Variants in KIF16B observed in about 807,000 individuals in gnomAD.
KIF16B encodes kinesin-like protein KIF16B.
In KIF16B, 98 loss-of-function variants were observed where a neutral mutation model predicts 156.3. The observed-to-expected ratio is 0.63, with a 90% confidence interval of 0.53 to 0.74. The LOEUF is 0.74. Ranked by LOEUF, KIF16B falls within the 30% of genes least tolerant of loss-of-function variation. The pLI is 0.00. For synonymous variants in KIF16B, 564 were observed against 583.7 expected (o/e 0.97, Z 0.49); for missense variants, 1,421 against 1,606.5 (o/e 0.88, Z 1.97).
At chr20:16,275,710 T>C (rs528676120) in intron 25 of KIF16B, among the ~76,000 whole-genome samples, 1 of 152,336 alleles carries the variant, frequency 6.6e-6, no homozygotes, top group African/African-American at 2.4e-5. Flanking sequence ...TAAGAAGTTA[T>C]GAAAATCAAC....
chr20:16,319,021 T>C (rs1428224516), intron 24 of KIF16B, among the ~76,000 whole-genome samples: 1 of 152,184 alleles, frequency 6.6e-6, no homozygotes, highest in African/African-American at 2.4e-5. Flanking sequence ...ATGGCATTTT[T>C]ACCTCTGCGG....
chr20:16,400,759 A>G (rs1227085555), intron 17 of KIF16B, among the ~76,000 whole-genome samples: 2 of 152,250 alleles, frequency 1.3e-5, no homozygotes. Context: ...GAAATAAGCC[A>G]GTGAGAAGAG....
intron 3 of KIF16B, among the ~76,000 whole-genome samples, chr20:16,516,839 G>A (rs982223050): frequency 6.6e-6 from 1 of 152,190 alleles, no homozygotes; most frequent in Non-Finnish European, 1.5e-5. Context: ...ATGAATCTAA[G>A]GGGGTGTGAA....
At chr20:16,346,804 G>A (rs1007551517) in intron 23 of KIF16B, among the ~76,000 whole-genome samples, 1 of 152,222 alleles carries the variant, frequency 6.6e-6, no homozygotes, top group Non-Finnish European at 1.5e-5. Flanking sequence ...CAACACCTCT[G>A]TGAAGCAGGT....
At chr20:16,539,737 T>C (rs1452356134) in intron 1 of KIF16B, among the ~76,000 whole-genome samples, 4 of 152,250 alleles carry the variant, frequency 2.6e-5, no homozygotes, top group Admixed American at 2.6e-4. Flanking sequence ...GGTATTTCTT[T>C]ATTGCAATGG....
At chr20:16,331,401 AC>A (rs2063945851) in intron 24 of KIF16B, among the ~76,000 whole-genome samples, 1 of 152,174 alleles carries the variant, frequency 6.6e-6, no homozygotes, top group African/African-American at 2.4e-5. Flanking sequence ...GTTCCAAAAG[AC>A]TATAGGCTAA....
At chr20:16,525,400 C>A (rs577645154) in intron 3 of KIF16B, among the ~76,000 whole-genome samples, 206 of 152,216 alleles carry the variant, frequency 1.4e-3, no homozygotes, top group Middle Eastern at 3.4e-3. Flanking sequence ...CCATTTCTAA[C>A]CTCACTCTGC....
At chr20:16,457,117 T>C (rs1423141367) in intron 12 of KIF16B, among the ~76,000 whole-genome samples, 1 of 105,120 alleles carries the variant, frequency 9.5e-6, no homozygotes, top group East Asian at 2.2e-4. Context: ...TCTTGCTTTA[T>C]TTTGATAAAC....
chr20:16,298,346 T>C (rs570058796), intron 25 of KIF16B, among the ~76,000 whole-genome samples: 13 of 152,302 alleles, frequency 8.5e-5, no homozygotes, highest in African/African-American at 1.9e-4. Flanking sequence ...TCCATTAGAA[T>C]TGTGAGCTCC....
chr20:16,569,577 C>T (rs1275689327), intron 1 of KIF16B, among the ~76,000 whole-genome samples: 1 of 152,236 alleles, frequency 6.6e-6, no homozygotes, highest in East Asian at 1.9e-4. Context: ...AGTTTAGAAA[C>T]TCAGTCAAAC....
chr20:16,424,743 C>T (rs1182362822), intron 15 of KIF16B, among the ~76,000 whole-genome samples: 1 of 151,996 alleles, frequency 6.6e-6, no homozygotes, highest in African/African-American at 2.4e-5. Context: ...GACAGCCAAG[C>T]ATAGCCATGC....
chr20:16,538,471 C>T (rs964412016), intron 1 of KIF16B, among the ~76,000 whole-genome samples: 16 of 151,890 alleles, frequency 1.1e-4, no homozygotes, highest in Admixed American at 9.2e-4. Flanking sequence ...ATTTCTCAAC[C>T]GAAAAGCCAA....
chr20:16,454,107 GA>G (rs1177007392), intron 12 of KIF16B, among the ~76,000 whole-genome samples: 1 of 151,870 alleles, frequency 6.6e-6, no homozygotes, highest in Non-Finnish European at 1.5e-5. Context: ...GTGCACTTGT[GA>G]AAAAAAGGAA....
chr20:16,523,097 G>A (rs973709136), intron 3 of KIF16B, among the ~76,000 whole-genome samples: 10 of 152,106 alleles, frequency 6.6e-5, no homozygotes, highest in Non-Finnish European at 1.3e-4. Flanking sequence ...GGCAAAAGTC[G>A]GAAGCATTCC....
chr20:16,331,320 G>C (rs1271854486), intron 24 of KIF16B, among the ~76,000 whole-genome samples: 1 of 152,174 alleles, frequency 6.6e-6, no homozygotes, highest in East Asian at 1.9e-4. Context: ...ACTGTTAAAA[G>C]TATATCCCCC....
chr20:16,506,481 C>T (rs1568617013), intron 7 of KIF16B, among the ~76,000 whole-genome samples: 1 of 152,158 alleles, frequency 6.6e-6, no homozygotes, highest in African/African-American at 2.4e-5. Context: ...CTGAGTGGCA[C>T]TCAGCAGAGA....
At chr20:16,449,040 T>C (rs925576705) in intron 12 of KIF16B, among the ~76,000 whole-genome samples, 3 of 151,632 alleles carry the variant, frequency 2.0e-5, no homozygotes, top group African/African-American at 7.3e-5. Context: ...AGAATGAAAG[T>C]GTCAAGAATA....
intron 12 of KIF16B, among the ~76,000 whole-genome samples, chr20:16,459,795 A>G (rs2067298546): frequency 6.6e-6 from 1 of 152,216 alleles, no homozygotes; most frequent in Non-Finnish European, 1.5e-5. Flanking sequence ...GTTATGCACC[A>G]AAGAATCTCA....
At chr20:16,494,945 T>C (rs866459867) in intron 11 of KIF16B, among the ~76,000 whole-genome samples, 8 of 152,328 alleles carry the variant, frequency 5.3e-5, no homozygotes, top group Middle Eastern at 3.4e-3. Context: ...GGCTCTAACT[T>C]AGGGGAGTAA....
Sources: gnomAD v4.1 joint callset for allele counts (sites outside exome capture counted in the v4.1 genomes callset) on GRCh38, gnomAD v4.1.1 for gene constraint, MANE v1.5 for transcripts, NCBI Gene and HGNC (gene_info 2026-07-23, HGNC 2026-07-21) for gene names.